Variants in SPG11 observed in about 807,000 individuals in gnomAD.
The protein encoded by SPG11 is SPG11 vesicle trafficking associated, spatacsin, also known as spatacsin.
SPG11 carries 222 observed loss-of-function variants against 274.0 expected under a neutral mutation model. The observed-to-expected ratio is 0.81, with a 90% CI of 0.73 to 0.91. The LOEUF (loss-of-function observed/expected upper bound fraction) is 0.91, where lower values mean the gene tolerates loss of function less well. Ranked by LOEUF, SPG11 falls within the 40% of genes least tolerant of loss-of-function variation. The pLI is 0.00. For synonymous variants in SPG11, 1,144 were observed against 1,039.7 expected (o/e 1.10, Z -1.93); for missense variants, 3,114 against 2,872.7 (o/e 1.08, Z -1.92).
chr15:44,607,437 A>G (rs2083350246), intron 19 of SPG11, among the ~76,000 whole-genome samples: 1 of 152,156 alleles, frequency 6.6e-6, no homozygotes, highest in Admixed American at 6.5e-5. Context: ...ACGTGCCACC[A>G]TGCCTGGCTA....
chr15:44,637,754 AC>A (rs2084321234), intron 7 of SPG11, among the ~76,000 whole-genome samples: 1 of 152,208 alleles, frequency 6.6e-6, no homozygotes, highest in Non-Finnish European at 1.5e-5. Flanking sequence ...GAAAATTCCT[AC>A]AGCCTATTAT....
rs542000169 is a variant in SPG11, at chr15:44,567,901, G to A, written c.6586-309C>T. 7.6e-4 allele frequency among the ~76,000 whole-genome samples: 116 copies of A among 152,304 alleles called. 3 individuals are homozygous for A. The South Asian group carries it at 0.024, about 31-fold the overall frequency. On this transcript the variant is annotated intron_variant, in intron 35 of 39. Coordinates refer to ENST00000261866, the MANE Select transcript of SPG11 (RefSeq NM_025137.4). ...AGAGATAAGCAGAGAAAAGTGCTAA[G>A]ATGAATGTAACAGGGATATTTAATA...
chr15:44,622,654 TC>T (rs1567170209), intron 12 of SPG11, 73 bp downstream of exon 12: 1 of 1,238,408 alleles, frequency 8.1e-7, no homozygotes, highest in Non-Finnish European at 1.2e-6. Flanking sequence ...AGGTTTTTCT[TC>T]CAAGGTTTTC....
chr15:44,587,696 A>AAAAAAAAAAAAAAAC (rs2082799125), intron 28 of SPG11, among the ~76,000 whole-genome samples: 5 of 143,334 alleles, frequency 3.5e-5, no homozygotes, highest in African/African-American at 1.3e-4. Context: ...ACTGTCTCAA[A>AAAAAAAAAAAAAAAC]AAAAAAAAAA....
At position 44,583,877 on chromosome 15, in the gene SPG11, G is replaced by A. The variant is rs746663514; in HGVS notation, c.5803C>T (p.Leu1935=). ...TCCTCAAGCAGCTCAGCACTTTGTA[G>A]GAGAGCATGGATCTCTGGGTGCAGA... ...EDLHPEIHAL[L]QSAELLEEEA... is the part of the protein sequence containing the mutation. Residue 1935 remains leucine (L), a synonymous_variant, in exon 30 of 40, where the codon CTA becomes TTA. Transcript: ENST00000261866. The A allele has an allele frequency of 6.2e-7, 1 of 1,614,200 alleles. No homozygotes were observed. Among genetic ancestry groups the A allele is most frequent in the East Asian group, 2.2e-5 (1 of 44,884 alleles).
rs143846383 is a variant in SPG11 at position 44,631,434 on chromosome 15, G to C, written c.1736-2046C>G. On this transcript the variant is annotated intron_variant, in intron 8 of 39. Coordinates refer to ENST00000261866, the MANE Select transcript of SPG11 (RefSeq NM_025137.4). ...AAATTTAGATTAAAGATCTCAATTG[G>C]TTTTATTGCAACTCTAGAATGTGGC... 4.5e-3 allele frequency among the ~76,000 whole-genome samples: 679 copies of C among 152,290 alleles called. 4 individuals carry two copies. Among genetic ancestry groups the C allele is most frequent in the African/African-American group, 0.016 (646 of 41,562 alleles).
intron 39 of SPG11, among the ~76,000 whole-genome samples, chr15:44,563,686 G>C (rs2082245748): frequency 6.6e-6 from 1 of 152,134 alleles, no homozygotes; most frequent in South Asian, 2.1e-4. Flanking sequence ...GTGTTGCCCA[G>C]GCTGGAGTAC....
intron 23 of SPG11, among the ~76,000 whole-genome samples, chr15:44,598,051 G>A (rs916400734): frequency 2.0e-5 from 3 of 152,194 alleles, no homozygotes; most frequent in African/African-American, 2.4e-5. Flanking sequence ...TCTCTAAAGA[G>A]AGAATTGCTA....
chr15:44,579,629 A>G (rs1210163755), intron 30 of SPG11, among the ~76,000 whole-genome samples: 1 of 152,190 alleles, frequency 6.6e-6, no homozygotes, highest in Non-Finnish European at 1.5e-5. Context: ...TGTTAAAATC[A>G]TCTGACAAAG....
At chr15:44,563,917 C>CTT (rs764618527) in intron 39 of SPG11, among the ~76,000 whole-genome samples, 6 of 152,186 alleles carry the variant, frequency 3.9e-5, no homozygotes, top group Non-Finnish European at 8.8e-5. Flanking sequence ...TAAAATATTT[C>CTT]TTTAAAAATG....
intron 11 of SPG11, among the ~76,000 whole-genome samples, chr15:44,623,962 G>A (rs929744539): frequency 1.3e-5 from 2 of 151,882 alleles, no homozygotes; most frequent in Non-Finnish European, 2.9e-5. Context: ...CATTTACCAC[G>A]TTGGCCAGAC....
Position 44,648,866 on chromosome 15 carries a change from C to G in SPG11, c.1602G>C (p.Glu534Asp). The G allele has an allele frequency of 6.2e-7, 1 of 1,613,874 alleles. No individual in the cohort carries two copies. Among genetic ancestry groups the G allele is most frequent in the East Asian group, 2.2e-5 (1 of 44,848 alleles). ...GRCSIPIHAL[E>D]AGIENRQLDT... ...GTTCTTGGGCATTTAATTCTGTTAC[C>G]TCTAGTGCATGTATGGGAATTGAGC... Residue 534 changes from glutamate to aspartate, a missense_variant and splice_region_variant, in exon 7 of 40, where the codon GAG (glutamate) becomes GAC (aspartate). Coordinates refer to ENST00000261866, the MANE Select transcript of SPG11 (RefSeq NM_025137.4).
intron 15 of SPG11, among the ~76,000 whole-genome samples, chr15:44,618,539 C>T (rs1213155713): frequency 4.8e-5 from 7 of 145,674 alleles, no homozygotes; most frequent in South Asian, 2.2e-4. Context: ...AAAAAAAGGC[C>T]GGGCACGGTG....
At chr15:44,604,233 T>C (rs1378157053) in intron 20 of SPG11, 1 of 384,676 alleles carries the variant, frequency 2.6e-6, no homozygotes, top group Non-Finnish European at 5.1e-6. Flanking sequence ...ACCCTGGAGG[T>C]ATCTGTCATC....
chr15:44,608,492 A>T lies in SPG11; in HGVS notation c.3405T>A (p.Thr1135=). 1 of 1,614,122 alleles carries T rather than the reference A, an allele frequency of 6.2e-7. No individual in the cohort carries two copies. Among genetic ancestry groups the T allele is most frequent in the East Asian group, 2.2e-5 (1 of 44,868 alleles). ...TATCAGATGGCAGGACACTAGGAGG[A>T]GTGCACTGTGGGAAGAGAGCAGTTT... The part of the protein sequence containing the change: ...KLKTALFPQC[T]PPSVLPSDIT... Residue 1135 remains threonine, a synonymous_variant, in exon 19 of 40, where the codon ACT becomes ACA. Coordinates refer to ENST00000261866, the MANE Select transcript of SPG11 (RefSeq NM_025137.4).
intron 20 of SPG11, among the ~76,000 whole-genome samples, 159 bp downstream of exon 20, chr15:44,605,865 AT>A (rs1283969638): frequency 6.6e-6 from 1 of 152,230 alleles, no homozygotes; most frequent in Non-Finnish European, 1.5e-5. Flanking sequence ...TTAACTCACA[AT>A]ATGTTTTCAA....
chr15:44,621,947 A>G lies in SPG11; in HGVS notation c.2445-13T>C. On this transcript the variant is annotated splice_polypyrimidine_tract_variant and intron_variant, in intron 13 of 39. Transcript: ENST00000261866. ...CTTTATCCAGTACCTAAAAACAGTG[A>G]TATAAATTTTTTTTTTTTTAATTTT... 6.3e-7 allele frequency: 1 copy of G among 1,590,708 alleles called. No individual in the cohort carries two copies. Among genetic ancestry groups the G allele is most frequent in the Non-Finnish European group, 8.6e-7 (1 of 1,169,440 alleles).
chr15:44,594,390 C>T (rs1283022509), intron 26 of SPG11, among the ~76,000 whole-genome samples: 3 of 151,838 alleles, frequency 2.0e-5, no homozygotes, highest in Non-Finnish European at 4.4e-5. Context: ...CGTGCCACTG[C>T]ACTCCAGCCT....
At chr15:44,650,192 G>C (rs1247207372) in intron 6 of SPG11, among the ~76,000 whole-genome samples, 1 of 152,134 alleles carries the variant, frequency 6.6e-6, no homozygotes, top group Non-Finnish European at 1.5e-5. Context: ...AAAGCAGGTA[G>C]TGAGAAAAGT....
Sources: gnomAD v4.1 joint callset for allele counts (sites outside exome capture counted in the v4.1 genomes callset) on GRCh38, gnomAD v4.1.1 for gene constraint, MANE v1.5 for transcripts, NCBI Gene and HGNC (gene_info 2026-07-23, HGNC 2026-07-21) for gene names.